NEDD9: variants seen among roughly 807,000 people sequenced by gnomAD.
The protein encoded by NEDD9 is neural precursor cell expressed, developmentally down-regulated 9, also known as enhancer of filamentation 1.
A neutral mutation model predicts 76.6 loss-of-function variants in NEDD9; 26 were observed. The ratio of observed to expected loss-of-function variants is 0.34; its 90% CI spans 0.25 to 0.47. The LOEUF is 0.47. Ranked by LOEUF, NEDD9 falls within the 20% of genes least tolerant of loss-of-function variation. The pLI, the probability that NEDD9 is intolerant of heterozygous loss-of-function variation, is 1.00. For missense variants in NEDD9, 937 were observed against 1,058.5 expected (o/e 0.89, Z 1.59); for synonymous variants, 392 against 414.2 (o/e 0.95, Z 0.65).
At chr6:11,267,593 T>C (rs1016061685) in intron 3 of NEDD9, among the ~76,000 whole-genome samples, 1 of 152,142 alleles carries the variant, frequency 6.6e-6, no homozygotes, top group Non-Finnish European at 1.5e-5. Flanking sequence ...CATATGCTGA[T>C]TGCTGCATAT....
intron 2 of NEDD9, among the ~76,000 whole-genome samples, chr6:11,204,633 T>TC (rs1006557616): frequency 1.4e-5 from 2 of 140,934 alleles, no homozygotes; most frequent in Non-Finnish European, 3.0e-5. Flanking sequence ...GGCAGGAGAA[T>TC]CACTTGAACC....
chr6:11,209,044 C>A (rs1042814330), intron 2 of NEDD9, among the ~76,000 whole-genome samples: 1 of 152,110 alleles, frequency 6.6e-6, no homozygotes, highest in African/African-American at 2.4e-5. Flanking sequence ...AACCATGATG[C>A]ATATTTAGAA....
At chr6:11,233,728 T>C (rs1232058167), upstream of NEDD9, among the ~76,000 whole-genome samples, 1 of 152,160 alleles carries the variant, frequency 6.6e-6, no homozygotes, top group Non-Finnish European at 1.5e-5. Flanking sequence ...ACAGAAATGG[T>C]CACCTTCTGC....
chr6:11,219,811 G>C (rs1759085738), intron 1 of NEDD9, among the ~76,000 whole-genome samples: 5 of 152,200 alleles, frequency 3.3e-5, no homozygotes, highest in Non-Finnish European at 7.3e-5. Flanking sequence ...GATAGAGGGG[G>C]ATGTGGGCTT....
chr6:11,277,718 C>T (rs1221510063), intron 3 of NEDD9, among the ~76,000 whole-genome samples: 1 of 152,188 alleles, frequency 6.6e-6, no homozygotes, highest in African/African-American at 2.4e-5. Flanking sequence ...GGTGGAGGCA[C>T]ATTTCTTCCA....
At chr6:11,264,369 G>C (rs755878740) in intron 3 of NEDD9, among the ~76,000 whole-genome samples, 24 of 152,136 alleles carry the variant, frequency 1.6e-4, no homozygotes, top group African/African-American at 4.1e-4. Flanking sequence ...CGCGCTCATA[G>C]GTCACTGCTT....
chr6:11,346,487 C>CA (rs902807257), intron 1 of NEDD9, among the ~76,000 whole-genome samples: 6 of 151,744 alleles, frequency 4.0e-5, no homozygotes, highest in South Asian at 2.1e-4. Context: ...GCCCCCCCCC[C>CA]CGAGGTGAGT....
intron 1 of NEDD9, among the ~76,000 whole-genome samples, chr6:11,369,983 C>A (rs751664236): frequency 6.6e-6 from 1 of 152,198 alleles, no homozygotes; most frequent in Non-Finnish European, 1.5e-5. Flanking sequence ...CCAAGTGGCT[C>A]TTCTGTGCAA....
rs192197173 is a variant in NEDD9, at chr6:11,205,318, C to A, written c.459+7963G>T. ...TAACATGGAGCCAAGGCTCAAGGCGCCTTGGGGTCACCCCCACTTTAGTTC... is the reference window on the plus strand; with the variant it reads ...TAACATGGAGCCAAGGCTCAAGGCGACTTGGGGTCACCCCCACTTTAGTTC... On this transcript the variant is annotated intron_variant, in intron 2 of 6. Coordinates refer to ENST00000379446, the MANE Select transcript of NEDD9 (RefSeq NM_006403.4). Among the ~76,000 whole-genome samples the A allele has an allele frequency of 1.7e-4, 26 of 152,318 alleles. No individual in the cohort carries two copies. The East Asian group carries it at 5.0e-3, about 29-fold the overall frequency.
Position 11,325,883 on chromosome 6 carries a change from C to T in NEDD9, c.-153+8618G>A, listed in dbSNP as rs561163347. Among the ~76,000 whole-genome samples the T allele has an allele frequency of 1.1e-4, 17 of 152,292 alleles. No homozygotes were observed. The South Asian group carries it at 2.7e-3, about 24-fold the overall frequency. On this transcript the variant is annotated intron_variant, in intron 2 of 3. Coordinates refer to the NEDD9 transcript ENST00000397378. The stretch of plus-strand genomic sequence containing the variant: ...TTCTTGGCTGGGTGCAGAGGCTCAA[C>T]GCCTGTAATCCCAGCACTTTGGGAG...
intron 1 of NEDD9, among the ~76,000 whole-genome samples, chr6:11,339,225 A>G (rs908292098): frequency 6.6e-6 from 1 of 152,222 alleles, no homozygotes; most frequent in East Asian, 1.9e-4. Flanking sequence ...ACTTTATTAT[A>G]AACATTGGAG....
chr6:11,312,202 C>T (rs1761392034), intron 2 of NEDD9, among the ~76,000 whole-genome samples: 2 of 152,112 alleles, frequency 1.3e-5, no homozygotes, highest in African/African-American at 4.8e-5. Flanking sequence ...TGCTCCACCT[C>T]TCCAAAAGAC....
At chr6:11,296,364 T>C (rs1760884411) in intron 3 of NEDD9, among the ~76,000 whole-genome samples, 1 of 152,226 alleles carries the variant, frequency 6.6e-6, no homozygotes, top group African/African-American at 2.4e-5. Context: ...ACAGGTTAAA[T>C]TCTCTTTTAA....
At chr6:11,346,641 G>C (rs918497681) in intron 1 of NEDD9, among the ~76,000 whole-genome samples, 2 of 152,204 alleles carry the variant, frequency 1.3e-5, no homozygotes, top group Non-Finnish European at 2.9e-5. Context: ...CGGGGAAGGA[G>C]GGGGCTGGGG....
At chr6:11,225,793 G>A (rs534197257) in intron 1 of NEDD9, among the ~76,000 whole-genome samples, 17 of 139,298 alleles carry the variant, frequency 1.2e-4, no homozygotes, top group East Asian at 4.2e-4. Flanking sequence ...GAGCCACCGC[G>A]CCCGGCCTTT....
intron 2 of NEDD9, among the ~76,000 whole-genome samples, chr6:11,204,004 C>A (rs1026256857): frequency 6.6e-6 from 1 of 151,470 alleles, no homozygotes; most frequent in African/African-American, 2.4e-5. Flanking sequence ...GATGTCAGGC[C>A]GTTTTTATTA....
At chr6:11,227,186 C>T (rs2079140032) in intron 1 of NEDD9, among the ~76,000 whole-genome samples, 2 of 152,192 alleles carry the variant, frequency 1.3e-5, no homozygotes, top group African/African-American at 4.8e-5. Flanking sequence ...TTACAATACA[C>T]ATCCAGGCCC....
intron 2 of NEDD9, among the ~76,000 whole-genome samples, chr6:11,329,092 A>G (rs756849499): frequency 1.1e-4 from 17 of 152,222 alleles, no homozygotes; most frequent in African/African-American, 1.9e-4. Context: ...CACAGCACAT[A>G]AAGTCTTGCC....
At chr6:11,188,163 T>C in intron 6 of NEDD9, 55 bp downstream of exon 6, 4 of 1,293,922 alleles carry the variant, frequency 3.1e-6, no homozygotes, top group Non-Finnish European at 4.5e-6. Context: ...CTTTCCTTAG[T>C]GCTAGGTGGG....
Sources: gnomAD v4.1 joint callset for allele counts (sites outside exome capture counted in the v4.1 genomes callset) on GRCh38, gnomAD v4.1.1 for gene constraint, MANE v1.5 for transcripts, NCBI Gene and HGNC (gene_info 2026-07-23, HGNC 2026-07-21) for gene names.